Variants in MPHOSPH9 observed in about 807,000 individuals in gnomAD.
MPHOSPH9 encodes the protein M-phase phosphoprotein 9.
A neutral mutation model predicts 145.5 loss-of-function variants in MPHOSPH9; 88 were observed. The ratio of observed to expected loss-of-function variants is 0.60; its 90% CI spans 0.51 to 0.72. The LOEUF is 0.72. Ranked by LOEUF, MPHOSPH9 falls within the 30% of genes least tolerant of loss-of-function variation. MPHOSPH9 has a pLI of 0.00. For missense variants in MPHOSPH9, 1,238 were observed against 1,386.6 expected (o/e 0.89, Z 1.70); for synonymous variants, 435 against 486.2 (o/e 0.89, Z 1.39).
At position 123,226,375 on chromosome 12, in the gene MPHOSPH9, T is replaced by C. The variant is rs1052481772; in HGVS notation, c.258+1088A>G. On this transcript the variant is annotated intron_variant, in intron 3 of 23. Transcript: ENST00000606320. ...TTCTGAAAAATAACACAAATTATGC[T>C]TCTAAAAGTACAATTAACGTTTAAA... is the stretch of plus-strand genomic sequence containing the variant. 34 of 1,083,668 alleles carry C rather than the reference T, an allele frequency of 3.1e-5. No homozygotes were observed. The African/African-American group carries it at 4.9e-4, about 16-fold the overall frequency. The allele number at this position is 1,083,668 out of a possible 1,614,324, so 67.1% of individuals were successfully genotyped here.
At chr12:123,179,404 T>C (rs2138078199) in intron 15 of MPHOSPH9, among the ~76,000 whole-genome samples, 1 of 152,242 alleles carries the variant, frequency 6.6e-6, no homozygotes, top group South Asian at 2.1e-4. Flanking sequence ...CGAAACCCTG[T>C]CTCTATCAAA....
At chr12:123,210,486 A>C (rs1593200457) in intron 7 of MPHOSPH9, among the ~76,000 whole-genome samples, 1 of 152,032 alleles carries the variant, frequency 6.6e-6, no homozygotes, top group Non-Finnish European at 1.5e-5. Context: ...TAACGTCAGG[A>C]GTTTGAGACC....
chr12:123,235,898 G>A (rs1292523012), upstream of MPHOSPH9, among the ~76,000 whole-genome samples: 1 of 151,090 alleles, frequency 6.6e-6, no homozygotes, highest in African/African-American at 2.4e-5. Flanking sequence ...ACCCCATCTG[G>A]GCTAAGAATA....
At chr12:123,187,855 G>C (rs968357792) in intron 13 of MPHOSPH9, among the ~76,000 whole-genome samples, 1 of 152,192 alleles carries the variant, frequency 6.6e-6, no homozygotes. Context: ...GCTGGGCGCC[G>C]TGGCTCGCAC....
At chr12:123,199,776 G>A (rs2046136093) in intron 11 of MPHOSPH9, among the ~76,000 whole-genome samples, 1 of 146,460 alleles carries the variant, frequency 6.8e-6, no homozygotes, top group African/African-American at 2.5e-5. Flanking sequence ...CTAGGCGACA[G>A]AGACTCCATC....
At chr12:123,169,883 C>G (rs575994664) in intron 16 of MPHOSPH9, among the ~76,000 whole-genome samples, 43 of 152,058 alleles carry the variant, frequency 2.8e-4, no homozygotes, top group Non-Finnish European at 4.7e-4. Context: ...AGCCACGTGC[C>G]CAGCCCGATC....
intron 7 of MPHOSPH9, among the ~76,000 whole-genome samples, chr12:123,210,981 T>C (rs1268525219): frequency 1.2e-4 from 15 of 127,316 alleles, no homozygotes; most frequent in African/African-American, 3.7e-4. Flanking sequence ...TTTTTTCTTT[T>C]TTTTTTTTTT....
At chr12:123,206,268 T>C (rs947641955) in intron 8 of MPHOSPH9, among the ~76,000 whole-genome samples, 2 of 146,506 alleles carry the variant, frequency 1.4e-5, no homozygotes, top group Non-Finnish European at 3.0e-5. Context: ...TTGGGCAACA[T>C]AGAGAGACCT....
chr12:123,166,820 A>G, intron 16 of MPHOSPH9, 31 bp from the exon 17 acceptor site: 1 of 1,606,974 alleles, frequency 6.2e-7, no homozygotes, highest in South Asian at 1.1e-5. Context: ...AGGCATTATA[A>G]AGGTCTGCAC....
At chr12:123,161,511 A>C (rs1349308390) in intron 21 of MPHOSPH9, 128 bp from the exon 22 acceptor site, 1 of 929,546 alleles carries the variant, frequency 1.1e-6, no homozygotes, top group Non-Finnish European at 1.6e-6. Flanking sequence ...AAGTAATGAA[A>C]AGAGATACAA....
At chr12:123,228,097 G>A (rs1197130379) in intron 2 of MPHOSPH9, among the ~76,000 whole-genome samples, 1 of 152,130 alleles carries the variant, frequency 6.6e-6, no homozygotes, top group Non-Finnish European at 1.5e-5. Flanking sequence ...CATAAAAGTT[G>A]TGCCAAGCAA....
At chr12:123,203,525 T>G (rs1046693481) in intron 8 of MPHOSPH9, 150 bp from the exon 9 acceptor site, 94 of 722,324 alleles carry the variant, frequency 1.3e-4, no homozygotes, top group Non-Finnish European at 1.8e-5. Flanking sequence ...TGGAAGTCAT[T>G]ACCTAGTATG....
intron 17 of MPHOSPH9, among the ~76,000 whole-genome samples, chr12:123,165,894 G>A (rs528790532): frequency 3.3e-5 from 5 of 152,338 alleles, no homozygotes; most frequent in Admixed American, 6.5e-5. Flanking sequence ...TACTGGGGTT[G>A]TTAGGGGAAT....
intron 1 of MPHOSPH9, chr12:123,243,843 A>G (rs951828554): frequency 6.6e-6 from 1 of 152,280 alleles, no homozygotes; most frequent in Non-Finnish European, 1.5e-5. Flanking sequence ...CAGGAAATGC[A>G]CATATTTACA....
chr12:123,238,244 A>G (rs2047881161), intron 1 of MPHOSPH9, among the ~76,000 whole-genome samples: 1 of 152,140 alleles, frequency 6.6e-6, no homozygotes, highest in East Asian at 1.9e-4. Flanking sequence ...TTTGTCAGAA[A>G]ATCATTTTCC....
At chr12:123,161,722 C>T (rs1164104917) in intron 21 of MPHOSPH9, among the ~76,000 whole-genome samples, 1 of 150,282 alleles carries the variant, frequency 6.7e-6, no homozygotes, top group Non-Finnish European at 1.5e-5. Flanking sequence ...GGACATACAC[C>T]AACACTAAAC....
intron 1 of MPHOSPH9, among the ~76,000 whole-genome samples, chr12:123,242,733 T>G (rs1024143576): frequency 1.3e-5 from 2 of 152,220 alleles, no homozygotes; most frequent in African/African-American, 4.8e-5. Context: ...AACAGTGGAC[T>G]GGTGACAAAG....
intron 4 of MPHOSPH9, among the ~76,000 whole-genome samples, chr12:123,222,404 G>C (rs1271282305): frequency 6.6e-6 from 1 of 151,508 alleles, no homozygotes; most frequent in East Asian, 1.9e-4. Flanking sequence ...GGTGGCTCAC[G>C]CCTGTAATCC....
intron 8 of MPHOSPH9, among the ~76,000 whole-genome samples, chr12:123,209,680 G>C (rs983441294): frequency 6.6e-6 from 1 of 151,116 alleles, no homozygotes; most frequent in Non-Finnish European, 1.5e-5. Context: ...AAAGTGCCGA[G>C]ATTACAGGAT....
Sources: gnomAD v4.1 joint callset for allele counts (sites outside exome capture counted in the v4.1 genomes callset) on GRCh38, gnomAD v4.1.1 for gene constraint, MANE v1.5 for transcripts, NCBI Gene and HGNC (gene_info 2026-07-23, HGNC 2026-07-21) for gene names.